Variants in GSE1 observed in about 807,000 individuals in gnomAD.
The protein encoded by GSE1 is Gse1 coiled-coil protein.
In GSE1, 32 loss-of-function variants were observed where a neutral mutation model predicts 112.6. The observed-to-expected ratio is 0.28, with a 90% confidence interval of 0.21 to 0.38. GSE1 has a LOEUF of 0.38. GSE1 is among the 10% of genes least tolerant of loss of function. The probability of loss-of-function intolerance (pLI) is 1.00; values close to 1 mark genes in which losing one functional copy is unlikely to be tolerated. For synonymous variants in GSE1, 1,115 were observed against 735.6 expected (o/e 1.52, Z -8.35); for missense variants, 2,348 against 1,699.2 (o/e 1.38, Z -6.71).
chr16:85,170,003 G>C (rs2074332462), exon 1 of GSE1: 2 of 984,320 alleles, frequency 2.0e-6, no homozygotes, highest in African/African-American at 1.8e-5. Context: ...GGCGGCCCCC[G>C]GCTGCGCGGG....
At chr16:85,262,363 C>G (rs995074272) in intron 1 of GSE1, among the ~76,000 whole-genome samples, 48 of 152,190 alleles carry the variant, frequency 3.2e-4, no homozygotes, top group African/African-American at 1.1e-3. Context: ...GAGAGATTGT[C>G]GGGGAGGGGG....
intron 2 of GSE1, among the ~76,000 whole-genome samples, chr16:85,426,103 G>GAGGAAGGA (rs56068516): frequency 6.9e-6 from 1 of 145,848 alleles, no homozygotes; most frequent in Non-Finnish European, 1.5e-5. Context: ...GAGAGGGAGG[G>GAGGAAGGA]AGGAAGGAAG....
upstream of GSE1, chr16:85,555,249 C>T: frequency 2.0e-6 from 2 of 985,406 alleles, no homozygotes; most frequent in Middle Eastern, 5.2e-4. Flanking sequence ...AGGGGCTCTC[C>T]ACCGCCGTGC....
At chr16:85,421,630 C>T (rs749365825) in intron 2 of GSE1, among the ~76,000 whole-genome samples, 1 of 152,130 alleles carries the variant, frequency 6.6e-6, no homozygotes, top group Non-Finnish European at 1.5e-5. Context: ...TTTGCAGGCC[C>T]GAGCTTGTGA....
intron 1 of GSE1, chr16:85,595,223 G>A (rs565227270): frequency 6.6e-6 from 1 of 152,382 alleles, no homozygotes; most frequent in Non-Finnish European, 1.5e-5. Flanking sequence ...CCTCCAGACT[G>A]CGTTCTGGAA....
chr16:85,171,926 G>A (rs2074365020), intron 1 of GSE1: 4 of 488,336 alleles, frequency 8.2e-6, no homozygotes, highest in South Asian at 8.7e-5. Context: ...GGTTCTGTGC[G>A]GGGTGTTCCG....
chr16:85,317,431 C>G (rs1445597525), intron 1 of GSE1, among the ~76,000 whole-genome samples: 1 of 152,170 alleles, frequency 6.6e-6, no homozygotes, highest in African/African-American at 2.4e-5. Flanking sequence ...CCAGCCTCAG[C>G]CAGCAGCCCC....
chr16:85,614,714 A>C (rs2048259566), intron 1 of GSE1, among the ~76,000 whole-genome samples: 1 of 152,204 alleles, frequency 6.6e-6, no homozygotes, highest in Non-Finnish European at 1.5e-5. Flanking sequence ...GGCTCTTACA[A>C]ACTAGCCTTT....
intron 1 of GSE1, among the ~76,000 whole-genome samples, chr16:85,209,750 G>C (rs942705121): frequency 1.3e-4 from 20 of 152,214 alleles, no homozygotes; most frequent in African/African-American, 4.3e-4. Flanking sequence ...GCCGCCTGAC[G>C]TTGCCTGCTG....
chr16:85,273,407 G>T (rs2144198714), intron 1 of GSE1, among the ~76,000 whole-genome samples: 1 of 152,302 alleles, frequency 6.6e-6, no homozygotes, highest in African/African-American at 2.4e-5. Context: ...AACACCTCAT[G>T]TGTCTGTCAA....
At chr16:85,387,970 A>G (rs2047724707) in intron 2 of GSE1, among the ~76,000 whole-genome samples, 3 of 123,316 alleles carry the variant, frequency 2.4e-5, no homozygotes, top group African/African-American at 3.2e-5. Flanking sequence ...ATGGGTAGGT[A>G]GATGGGTGAG....
chr16:85,649,380 A>C (rs534171339), intron 3 of GSE1, among the ~76,000 whole-genome samples: 1 of 152,320 alleles, frequency 6.6e-6, no homozygotes, highest in East Asian at 1.9e-4. Flanking sequence ...TGAACTGAAC[A>C]AAGAATTGAG....
chr16:85,561,610 C>G (rs994418999), intron 1 of GSE1, among the ~76,000 whole-genome samples: 1 of 152,218 alleles, frequency 6.6e-6, no homozygotes, highest in Non-Finnish European at 1.5e-5. Context: ...TGGGGCTTGG[C>G]CCATAGCCAT....
chr16:85,214,918 C>G (rs973839875), intron 1 of GSE1, among the ~76,000 whole-genome samples: 2 of 152,214 alleles, frequency 1.3e-5, no homozygotes, highest in Non-Finnish European at 2.9e-5. Flanking sequence ...GGGCTGGCCC[C>G]TTCCCTCCCC....
At chr16:85,501,387 CTTT>C (rs748089415) in intron 2 of GSE1, among the ~76,000 whole-genome samples, 18 of 129,490 alleles carry the variant, frequency 1.4e-4, no homozygotes, top group Non-Finnish European at 1.0e-4. Context: ...AGGACTTCAC[CTTT>C]TTTTTTTTTT....
intron 1 of GSE1, among the ~76,000 whole-genome samples, chr16:85,278,510 T>G (rs2044762145): frequency 6.6e-6 from 1 of 152,244 alleles, no homozygotes; most frequent in Non-Finnish European, 1.5e-5. Context: ...ACAAGGTTTG[T>G]TTTTGGTTTT....
intron 1 of GSE1, among the ~76,000 whole-genome samples, chr16:85,300,310 C>A (rs1446241460): frequency 6.6e-6 from 1 of 152,216 alleles, no homozygotes; most frequent in Non-Finnish European, 1.5e-5. Context: ...CTGCGCCCAG[C>A]CCATGTTAGC....
chr16:85,343,540 A>C (rs2046668550), intron 1 of GSE1, among the ~76,000 whole-genome samples: 1 of 152,274 alleles, frequency 6.6e-6, no homozygotes, highest in Non-Finnish European at 1.5e-5. Flanking sequence ...CTTTAAGCCA[A>C]CAGTTCGAGA....
intron 1 of GSE1, among the ~76,000 whole-genome samples, chr16:85,596,209 C>A (rs1266075850): frequency 5.3e-5 from 8 of 152,162 alleles, no homozygotes; most frequent in Non-Finnish European, 1.5e-5. Flanking sequence ...GATGCATCTG[C>A]TCTTCTCACA....
Sources: gnomAD v4.1 joint callset for allele counts (sites outside exome capture counted in the v4.1 genomes callset) on GRCh38, gnomAD v4.1.1 for gene constraint, MANE v1.5 for transcripts, NCBI Gene and HGNC (gene_info 2026-07-23, HGNC 2026-07-21) for gene names.